The following TM4SF5 variants were observed in gnomAD, a reference collection of about 807,000 sequenced individuals.
The protein encoded by TM4SF5 is transmembrane 4 L6 family member 5.
A neutral mutation model predicts 22.3 loss-of-function variants in TM4SF5; 16 were observed. The observed-to-expected ratio is 0.72, with a 90% CI of 0.49 to 1.09. The LOEUF (loss-of-function observed/expected upper bound fraction) is 1.09. Ranked by LOEUF, TM4SF5 falls within the 50% of genes least tolerant of loss-of-function variation. The pLI, the probability that TM4SF5 is intolerant of heterozygous loss-of-function variation, is 0.00. For synonymous variants in TM4SF5, 113 were observed against 109.6 expected (o/e 1.03, Z -0.19); for missense variants, 249 against 266.1 (o/e 0.94, Z 0.45).
In TM4SF5 at chr17:4,782,582, G is replaced by T. The variant is rs1217598541; in HGVS notation, c.338G>T (p.Arg113Leu). 6.2e-7 allele frequency: 1 copy of T among 1,613,970 alleles called. No individual in the cohort carries two copies. Among genetic ancestry groups the T allele is most frequent in the African/African-American group, 1.3e-5 (1 of 74,906 alleles). Residue 113 changes from arginine to leucine, a missense_variant, in exon 3 of 5, where the codon CGA becomes CTA. Arg to Leu is a moderately radical substitution (Grantham distance 102). Transcript: ENST00000270560. ...YCLSVSGAGL[R>L]NGPRCLMNGE... Reference sequence around the variant, plus strand: ...CTCTCGGTGTCTGGAGCTGGGCTCCGAAATGGACCCAGATGCTTAATGAAC... The same window carrying T: ...CTCTCGGTGTCTGGAGCTGGGCTCCTAAATGGACCCAGATGCTTAATGAAC...
intron 1 of TM4SF5, among the ~76,000 whole-genome samples, chr17:4,775,455 G>A (rs925672821): frequency 2.6e-5 from 4 of 151,042 alleles, no homozygotes; most frequent in African/African-American, 4.9e-5. Flanking sequence ...TAGTAGAGAT[G>A]GGGTTTCACC....
chr17:4,782,106 T>G (rs1364555345), intron 2 of TM4SF5, among the ~76,000 whole-genome samples: 1 of 150,678 alleles, frequency 6.6e-6, no homozygotes, highest in Non-Finnish European at 1.5e-5. Flanking sequence ...TTTTTTTTTT[T>G]TTCTTTTTGA....
intron 1 of TM4SF5, among the ~76,000 whole-genome samples, chr17:4,773,312 T>C (rs1356726340): frequency 6.6e-6 from 1 of 152,148 alleles, no homozygotes; most frequent in Non-Finnish European, 1.5e-5. Context: ...GAATTATAGA[T>C]GTGAGCCACC....
Position 4,782,900 on chromosome 17 carries a change from C to A in TM4SF5, c.442C>A (p.Pro148Thr), listed in dbSNP as rs1165129395. Residue 148 changes from proline (P) to threonine (T), a missense_variant, in exon 4 of 5, where the codon CCC becomes ACC. Physicochemically the swap from Pro to Thr is conservative, Grantham distance 38. Transcript: ENST00000270560. ...NRTLWDRCEA[P>T]PRVVPWNVTL... ...CACTCTATGGGATCGGTGCGAGGCG[C>A]CCCCTCGCGTGGTCCCCTGGAATGT... The A allele has an allele frequency of 6.2e-7, 1 of 1,614,180 alleles. No homozygotes were observed. The highest frequency in any genetic ancestry group is 8.5e-7 in the Non-Finnish European group (1 of 1,180,022).
chr17:4,773,437 G>C (rs146282062), intron 1 of TM4SF5, among the ~76,000 whole-genome samples: 1 of 152,116 alleles, frequency 6.6e-6, no homozygotes, highest in African/African-American at 2.4e-5. Context: ...CTTTGGGATG[G>C]TCAACCTCGT....
At chr17:4,776,617 G>A (rs1917211593) in intron 1 of TM4SF5, among the ~76,000 whole-genome samples, 1 of 152,170 alleles carries the variant, frequency 6.6e-6, no homozygotes, top group South Asian at 2.1e-4. Flanking sequence ...TACTGTTGAA[G>A]GAGATCTGGA....
At chr17:4,778,396 C>G (rs735004) in intron 1 of TM4SF5, among the ~76,000 whole-genome samples, 61,105 of 151,828 alleles carry the variant, frequency 0.4, 13,454 homozygotes, top group Non-Finnish European at 0.51. Flanking sequence ...AGGAGGATTG[C>G]TTGAGCCCAG....
intron 1 of TM4SF5, among the ~76,000 whole-genome samples, chr17:4,772,721 T>G (rs902173964): frequency 6.7e-6 from 1 of 148,958 alleles, no homozygotes; most frequent in African/African-American, 2.5e-5. Context: ...GTTTTTTGTT[T>G]TTTTTTTTTT....
At chr17:4,774,045 G>A (rs8077839) in intron 1 of TM4SF5, among the ~76,000 whole-genome samples, 95,468 of 152,002 alleles carry the variant, frequency 0.63, 30,129 homozygotes, top group South Asian at 0.81. Context: ...GTGAAACCCC[G>A]TCTCTACTTA....
At chr17:4,782,757 T>C (rs1321304722) in intron 3 of TM4SF5, 97 bp from the exon 4 acceptor site, 1 of 1,567,248 alleles carries the variant, frequency 6.4e-7, no homozygotes, top group African/African-American at 1.4e-5. Context: ...CCACGTGGGC[T>C]ACCTGGGCCT....
Position 4,782,532 on chromosome 17 carries a change from C to A in TM4SF5, c.288C>A (p.Phe96Leu), listed in dbSNP as rs901516502. 1 of 1,613,800 alleles carries A rather than the reference C, an allele frequency of 6.2e-7. No individual in the cohort carries two copies. The highest frequency in any genetic ancestry group is 1.1e-5 in the South Asian group (1 of 91,072). The change falls in exon 3 of 5, where the codon TTC becomes TTA. Residue 96 changes from phenylalanine (F) to leucine (L), a missense_variant. Transcript: ENST00000270560. Reference protein sequence around the residue: ...RMLRSVFSSAFGVLGAIYCLS... With the variant: ...RMLRSVFSSALGVLGAIYCLS... ...TGCGCTCGGTCTTCTCCTCGGCGTT[C>A]GGGGTGCTTGGTGCCATCTACTGCC...
chr17:4,782,383 A>C, intron 2 of TM4SF5, 120 bp from the exon 3 acceptor site: 1 of 1,313,560 alleles, frequency 7.6e-7, no homozygotes, highest in South Asian at 1.3e-5. Flanking sequence ...CCGGCATTAA[A>C]AAATACATTT....
intron 1 of TM4SF5, among the ~76,000 whole-genome samples, chr17:4,774,136 C>T (rs1224088171): frequency 4.6e-5 from 7 of 152,106 alleles, no homozygotes; most frequent in African/African-American, 1.4e-4. Flanking sequence ...CAGGAGAACC[C>T]GGGAGGCAGA....
At chr17:4,774,504 G>A (rs532816887) in intron 1 of TM4SF5, among the ~76,000 whole-genome samples, 140 of 152,144 alleles carry the variant, frequency 9.2e-4, no homozygotes, top group African/African-American at 3.3e-3. Context: ...ATGACCACGC[G>A]CCACTGCACT....
intron 2 of TM4SF5, 40 bp downstream of exon 2, chr17:4,780,909 G>T (rs1263688716): frequency 6.4e-7 from 1 of 1,569,368 alleles, no homozygotes; most frequent in East Asian, 2.3e-5. Context: ...GCTGGGGGTG[G>T]TGTCTCATGC....
Position 4,780,655 on chromosome 17 carries a change from G to A in TM4SF5, c.178-134G>A, listed in dbSNP as rs895776621. 2.7e-5 allele frequency: 16 copies of A among 588,490 alleles called. No homozygotes were observed. In the Admixed American group the frequency reaches 3.1e-4, roughly 11 times the overall value. The allele number at this position is 588,490 out of a possible 1,614,324, so 36.5% of individuals were successfully genotyped here. A position where few individuals can be genotyped will look rare whatever the true frequency, so the allele number is the denominator to read the frequency against. ...GTGAAGCCCAGCAGCTCCAGGAGAC[G>A]TAGAGATAAGGTCTTCTACAGTCCA... On this transcript the variant is annotated intron_variant, in intron 1 of 4. Coordinates refer to ENST00000270560, the MANE Select transcript of TM4SF5 (RefSeq NM_003963.3).
intron 1 of TM4SF5, among the ~76,000 whole-genome samples, chr17:4,779,055 C>CAAAAA (rs1297196059): frequency 5.5e-5 from 3 of 54,754 alleles, no homozygotes; most frequent in African/African-American, 6.2e-5. Context: ...GACTCCGTCT[C>CAAAAA]AAAAAAAAAA....
In TM4SF5 at chr17:4,782,995, C is replaced by T. The variant is rs763826018; in HGVS notation, c.537C>T (p.Asn179=). The T allele has an allele frequency of 7.4e-6, 12 of 1,614,060 alleles. No individual in the cohort carries two copies. The South Asian group carries it at 1.2e-4, about 16-fold the overall frequency. Residue 179 remains asparagine (N), a synonymous_variant, in exon 4 of 5, where the codon AAC becomes AAT. Coordinates refer to ENST00000270560, the MANE Select transcript of TM4SF5 (RefSeq NM_003963.3). ...EIVLCGIQLV[N]ATIGVFCGDC... is the part of the protein sequence containing the mutation. Reference sequence around the variant, plus strand: ...TACTGTGTGGGATCCAGCTGGTGAACGCGACCATTGGTGTCTTCTGCGGCG... The same window carrying T: ...TACTGTGTGGGATCCAGCTGGTGAATGCGACCATTGGTGTCTTCTGCGGCG...
chr17:4,776,886 G>A lies in TM4SF5; in HGVS notation c.178-3903G>A, dbSNP rs543925518. Among the ~76,000 whole-genome samples, 8 of 152,220 alleles carry A rather than the reference G, an allele frequency of 5.3e-5. No homozygotes were observed. In the South Asian group the frequency reaches 1.2e-3, roughly 24 times the overall value. On this transcript the variant is annotated intron_variant, in intron 1 of 4. Transcript: ENST00000270560. Reference sequence around the variant, plus strand: ...CTGTGTGGAGAATGGGTAGTAGAAGGTCTGCAATATATACAGAAAAAGACC... The same window carrying A: ...CTGTGTGGAGAATGGGTAGTAGAAGATCTGCAATATATACAGAAAAAGACC...
Sources: gnomAD v4.1 joint callset for allele counts (sites outside exome capture counted in the v4.1 genomes callset) on GRCh38, gnomAD v4.1.1 for gene constraint, MANE v1.5 for transcripts, NCBI Gene and HGNC (gene_info 2026-07-23, HGNC 2026-07-21) for gene names.